Variants in HSP90B1 observed in about 807,000 individuals in gnomAD.
HSP90B1 encodes heat shock protein 90 beta family member 1.
Under a neutral mutation model 100.4 loss-of-function variants are expected in HSP90B1, and 27 were observed. The observed-to-expected ratio is 0.27, with a 90% CI of 0.20 to 0.37. The LOEUF (loss-of-function observed/expected upper bound fraction) is 0.37. Among genes scored for constraint, HSP90B1 ranks in the 10% least tolerant of loss-of-function variants. The pLI is 1.00. For synonymous variants in HSP90B1, 304 were observed against 330.8 expected, an observed-to-expected ratio of 0.92 and a Z score of 0.88; for missense variants, 678 against 960.5, an observed-to-expected ratio of 0.71 and a Z score of 3.89.
chr12:103,935,930 A>C (rs183626562), intron 5 of HSP90B1, among the ~76,000 whole-genome samples: 39 of 152,390 alleles, frequency 2.6e-4, no homozygotes, highest in African/African-American at 8.7e-4. Context: ...TGTATGAATA[A>C]GTGAGGTTAA....
intron 5 of HSP90B1, among the ~76,000 whole-genome samples, chr12:103,936,683 G>A (rs1869927460): frequency 1.3e-5 from 2 of 150,736 alleles, no homozygotes; most frequent in African/African-American, 4.9e-5. Context: ...CAGCTGTACA[G>A]CTATAGCTTG....
At position 103,942,601 on chromosome 12, in the gene HSP90B1, T is replaced by C; in HGVS notation, c.1449T>C (p.Thr483=). The C allele has an allele frequency of 3.7e-6, 6 of 1,613,984 alleles. No individual in the cohort carries two copies. Among genetic ancestry groups the C allele is most frequent in the Non-Finnish European group, 5.1e-6 (6 of 1,179,842 alleles). ...TTGCTGATGATAAATACAATGATAC[T>C]TTTTGGAAAGAATTTGGTACCAACA... is the stretch of plus-strand genomic sequence containing the variant. ...KKIADDKYND[T]FWKEFGTNIK... The change falls in exon 12 of 18, where the codon ACT becomes ACC. Residue 483 remains threonine, a synonymous_variant. Transcript: ENST00000299767.
chr12:103,947,248 A>G, intron 16 of HSP90B1, 63 bp from the exon 17 acceptor site: 1 of 1,519,218 alleles, frequency 6.6e-7, no homozygotes, highest in Non-Finnish European at 8.8e-7. Context: ...GATTTTATAC[A>G]TATAAATGAG....
intron 11 of HSP90B1, among the ~76,000 whole-genome samples, chr12:103,942,200 C>G (rs1232909939): frequency 6.6e-6 from 1 of 152,222 alleles, no homozygotes; most frequent in Non-Finnish European, 1.5e-5. Context: ...CCCTCCAATA[C>G]TTCCATAATT....
Position 103,941,532 on chromosome 12 carries a change from G to A in HSP90B1, c.1215G>A (p.Lys405=), listed in dbSNP as rs1173717551. ...RGLFDEYGSK[K]SDYIKLYVRR... is the part of the protein sequence containing the mutation. ...TGTTTGACGAATATGGATCTAAAAA[G>A]AGCGATTACATTAAGGTGAGTTTTT... The change falls in exon 9 of 18, where the codon AAG becomes AAA. Residue 405 remains lysine, a synonymous_variant. Transcript: ENST00000299767. The A allele has an allele frequency of 6.2e-7, 1 of 1,614,028 alleles. No individual in the cohort carries two copies. The highest frequency in any genetic ancestry group is 1.3e-5 in the African/African-American group (1 of 74,926).
In HSP90B1 at chr12:103,931,603, G is replaced by A; in HGVS notation, c.132G>A (p.Thr44=). 1 of 1,612,098 alleles carries A rather than the reference G, an allele frequency of 6.2e-7. No individual in the cohort carries two copies. The highest frequency in any genetic ancestry group is 8.5e-7 in the Non-Finnish European group (1 of 1,178,296). ...DLGKSREGSR[T]DDEVVQREEE... ...GTAAAAGTAGAGAAGGATCAAGGAC[G>A]GATGATGAAGTAGTACAGAGGTTTG... is the stretch of plus-strand genomic sequence containing the variant. Residue 44 remains threonine, a synonymous_variant, in exon 2 of 18, where the codon ACG becomes ACA. Transcript: ENST00000299767.
At position 103,938,383 on chromosome 12, in the gene HSP90B1, A is replaced by C. The variant is rs368915159; in HGVS notation, c.899A>C (p.Lys300Thr). The change falls in exon 7 of 18, where the codon AAA becomes ACA. Residue 300 changes from lysine (K) to threonine (T), a missense_variant. By Grantham distance (78) the Lys-to-Thr change is moderately conservative. Around this residue, in one of 8 missense-constraint regions of HSP90B1, gnomAD observed 238 missense variants for 346.7 expected, o/e 0.69. Coordinates refer to ENST00000299767, the MANE Select transcript of HSP90B1 (RefSeq NM_003299.3). Reference sequence around the variant, plus strand: ...CCCATGGAGGAAGAAGAAGCAGCCAAAGAAGAGAAAGAAGAATCTGATGAT... The same window carrying C: ...CCCATGGAGGAAGAAGAAGCAGCCACAGAAGAGAAAGAAGAATCTGATGAT... ...EEPMEEEEAA[K>T]EEKEESDDEA... The C allele has an allele frequency of 7.6e-5, 120 of 1,572,940 alleles. 1 individual carries two copies. The African/African-American group carries it at 1.4e-3, about 18-fold the overall frequency.
chr12:103,945,621 A>G (rs1336443178), intron 14 of HSP90B1, among the ~76,000 whole-genome samples: 1 of 152,220 alleles, frequency 6.6e-6, no homozygotes, highest in African/African-American at 2.4e-5. Flanking sequence ...CAGAGCTACA[A>G]TTACGGTAGT....
At chr12:103,946,580 G>T (rs1566168621) in intron 14 of HSP90B1, 38 bp from the exon 15 acceptor site, 5 of 1,423,932 alleles carry the variant, frequency 3.5e-6, no homozygotes, top group Non-Finnish European at 5.0e-6. Context: ...CCTAAAATTG[G>T]ATATGTTTTG....
rs925581619 is a variant in HSP90B1, at chr12:103,941,552, GT to G, written c.1230+10del. 1.2e-6 allele frequency: 2 copies of G among 1,614,078 alleles called. No individual in the cohort carries two copies. The highest frequency in any genetic ancestry group is 1.7e-6 in the Non-Finnish European group (2 of 1,179,970). On this transcript the variant is annotated splice_donor_region_variant and intron_variant, in intron 9 of 17. Transcript: ENST00000299767. ...AAAAAGAGCGATTACATTAAGGTGAGTTTTTAAGTAGTACATGCTGCGTTTA... is the reference window on the plus strand; with the variant it reads ...AAAAAGAGCGATTACATTAAGGTGAGTTTTAAGTAGTACATGCTGCGTTTA...
intron 8 of HSP90B1, among the ~76,000 whole-genome samples, chr12:103,940,158 G>A (rs1870032514): frequency 6.6e-6 from 1 of 152,240 alleles, no homozygotes; most frequent in South Asian, 2.1e-4. Context: ...GACAAAAAAA[G>A]ATTAAGAACC....
Position 103,930,671 on chromosome 12 carries a change from G to T in HSP90B1, c.49+107G>T, listed in dbSNP as rs979313446. Reference sequence around the variant, plus strand: ...AGGGGGGATCCCGGGGCCTGCGGTGGGCCAAGGGACGTCACCATTCCTCGA... The same window carrying T: ...AGGGGGGATCCCGGGGCCTGCGGTGTGCCAAGGGACGTCACCATTCCTCGA... On this transcript the variant is annotated intron_variant, in intron 1 of 17. Transcript: ENST00000299767. This position sits in a 1 kb window ranked among gnomAD's most constrained non-coding sequence, Gnocchi z 4.4. The T allele has an allele frequency of 8.8e-6, 9 of 1,026,420 alleles. No individual in the cohort carries two copies. The highest frequency in any genetic ancestry group is 5.0e-5 in the Admixed American group (2 of 39,746). 63.6% of individuals were successfully genotyped at this position (1,026,420 alleles called of 1,614,324 possible). A position where few individuals can be genotyped will look rare whatever the true frequency, so the allele number is the denominator to read the frequency against.
chr12:103,934,770 T>G (rs1165684), intron 5 of HSP90B1, among the ~76,000 whole-genome samples: 1 of 152,076 alleles, frequency 6.6e-6, no homozygotes, highest in African/African-American at 2.4e-5. Context: ...GGCACAATCT[T>G]GGCTCACCAC....
chr12:103,945,112 A>C (rs1328862519), intron 14 of HSP90B1, among the ~76,000 whole-genome samples: 1 of 152,216 alleles, frequency 6.6e-6, no homozygotes, highest in Non-Finnish European at 1.5e-5. Context: ...TCACAGGTAG[A>C]CATAACTCCT....
intron 14 of HSP90B1, among the ~76,000 whole-genome samples, chr12:103,944,220 C>T (rs1013257815): frequency 1.3e-5 from 2 of 152,150 alleles, no homozygotes; most frequent in African/African-American, 4.8e-5. Flanking sequence ...TTAATGACAA[C>T]ATTCCTCAAG....
intron 14 of HSP90B1, 73 bp from the exon 15 acceptor site, chr12:103,946,545 G>C: frequency 1.9e-6 from 2 of 1,069,248 alleles, no homozygotes. Flanking sequence ...GTGTAATTAT[G>C]AAAGAATAAG....
rs1470826734 is a variant in HSP90B1, at chr12:103,941,725, G to A, written c.1308+19G>A. On this transcript the variant is annotated intron_variant, in intron 10 of 17. Coordinates refer to ENST00000299767, the MANE Select transcript of HSP90B1 (RefSeq NM_003299.3). ...GGGTGTGGTAAGTATCTGAAGTTTG[G>A]GAGAAGGGGTGATTGTTGTGGGGGT... 6.2e-7 allele frequency: 1 copy of A among 1,611,332 alleles called. No homozygotes were observed.
At chr12:103,935,507 TACTTATCATTGTGACCA>T (rs1869887875) in intron 5 of HSP90B1, among the ~76,000 whole-genome samples, 1 of 152,218 alleles carries the variant, frequency 6.6e-6, no homozygotes, top group African/African-American at 2.4e-5. Context: ...AAGAAGCACA[TACTTATCATTGTGACCA>T]ACTTTCTTCA....
Position 103,947,322 on chromosome 12 carries a change from G to A in HSP90B1, c.2274G>A (p.Glu758=), listed in dbSNP as rs1032042939. ...NIDPDAKVEE[E]PEEEPEETAE... ...AATGTTGTGTTTAGGTGGAAGAAGA[G>A]CCCGAAGAAGAACCTGAAGAGACAG... Residue 758 remains glutamate (E), a synonymous_variant, in exon 17 of 18, where the codon GAG becomes GAA. Coordinates refer to ENST00000299767, the MANE Select transcript of HSP90B1 (RefSeq NM_003299.3). 8.1e-6 allele frequency: 13 copies of A among 1,598,712 alleles called. No individual in the cohort carries two copies. The African/African-American group carries it at 1.6e-4, about 20-fold the overall frequency.
Sources: allele counts gnomAD v4.1 joint callset (sites outside exome capture counted in the v4.1 genomes callset), GRCh38; gene constraint gnomAD v4.1.1; regional missense constraint gnomAD v4.1.1; non-coding constraint Gnocchi (gnomAD v3.1); transcripts MANE v1.5; gene names NCBI Gene and HGNC (gene_info 2026-07-23, HGNC 2026-07-21).